Variants in FNIP1 observed in about 807,000 individuals in gnomAD.
The protein encoded by FNIP1 is folliculin-interacting protein 1.
Under a neutral mutation model 124.5 loss-of-function variants are expected in FNIP1, and 40 were observed. The ratio of observed to expected loss-of-function variants is 0.32; its 90% CI spans 0.25 to 0.42. FNIP1 has a LOEUF of 0.42. FNIP1 is among the 10% of genes least tolerant of loss of function. The pLI, the probability that FNIP1 is intolerant of heterozygous loss-of-function variation, is 1.00. For missense variants in FNIP1, 1,176 were observed against 1,403.7 expected (o/e 0.84, Z 2.59); for synonymous variants, 472 against 470.6 (o/e 1.00, Z -0.04).
At chr5:131,722,797 T>A (rs1769717492) in intron 3 of FNIP1, among the ~76,000 whole-genome samples, 1 of 152,204 alleles carries the variant, frequency 6.6e-6, no homozygotes, top group Non-Finnish European at 1.5e-5. Flanking sequence ...GCAATTCTCC[T>A]GCCTCAGCAT....
At chr5:131,738,207 A>G (rs921464484) in intron 2 of FNIP1, among the ~76,000 whole-genome samples, 2 of 152,058 alleles carry the variant, frequency 1.3e-5, no homozygotes, top group African/African-American at 4.8e-5. Context: ...TGGATAAGGG[A>G]GAGGATCTTA....
intron 11 of FNIP1, among the ~76,000 whole-genome samples, chr5:131,698,359 A>G (rs1768778242): frequency 6.6e-6 from 1 of 152,194 alleles, no homozygotes; most frequent in Non-Finnish European, 1.5e-5. Flanking sequence ...CTAATTCCCA[A>G]CATAACATCA....
At chr5:131,763,869 T>C (rs1771326972) in intron 1 of FNIP1, among the ~76,000 whole-genome samples, 1 of 152,202 alleles carries the variant, frequency 6.6e-6, no homozygotes, top group East Asian at 1.9e-4. Context: ...TAACCATTTC[T>C]AGTAAGATAC....
chr5:131,764,015 T>G (rs1446775941), intron 1 of FNIP1, among the ~76,000 whole-genome samples: 1 of 152,086 alleles, frequency 6.6e-6, no homozygotes, highest in East Asian at 1.9e-4. Flanking sequence ...GCACCATCCC[T>G]TTGATGCTGT....
At position 131,672,142 on chromosome 5, in the gene FNIP1, G is replaced by C; in HGVS notation, c.2302C>G (p.Arg768Gly). The change falls in exon 14 of 18, where the codon CGA becomes GGA. Residue 768 changes from arginine to glycine, a missense_variant. By Grantham distance (125) the Arg-to-Gly change is moderately radical. This residue lies in a region of FNIP1 where 1,109 missense variants were observed against 1,288.5 expected (regional missense o/e 0.86). Transcript: ENST00000510461. ...SMSPDSDTELRSQAVVDQITR... is the reference protein window; with the variant it reads ...SMSPDSDTELGSQAVVDQITR... ...ATCTGATCCACCACTGCCTGACTTC[G>C]AAGCTCAGTATCTGAATCAGGTGAC... 1 of 1,614,140 alleles carries C rather than the reference G, an allele frequency of 6.2e-7. No individual in the cohort carries two copies. The highest frequency in any genetic ancestry group is 8.5e-7 in the Non-Finnish European group (1 of 1,180,028).
intron 2 of FNIP1, among the ~76,000 whole-genome samples, chr5:131,741,211 C>T (rs924844005): frequency 2.2e-4 from 33 of 152,092 alleles, no homozygotes; most frequent in East Asian, 1.9e-4. Flanking sequence ...GACCCCTTTC[C>T]GGTAACACTT....
At chr5:131,731,102 A>C in intron 2 of FNIP1, 64 bp from the exon 3 acceptor site, 1 of 1,485,186 alleles carries the variant, frequency 6.7e-7, no homozygotes, top group Non-Finnish European at 9.1e-7. Flanking sequence ...AATTTCATCA[A>C]AGTATAAAAA....
intron 1 of FNIP1, 45 bp from the exon 2 acceptor site, chr5:131,744,735 T>C (rs757180672): frequency 5.7e-5 from 86 of 1,503,102 alleles, no homozygotes; most frequent in Admixed American, 2.0e-5. Flanking sequence ...TAGAGTTACA[T>C]TAATAAATAT....
At position 131,670,448 on chromosome 5, in the gene FNIP1, G is replaced by A; in HGVS notation, c.3108+15C>T. 6.5e-7 allele frequency: 1 copy of A among 1,545,830 alleles called. No homozygotes were observed. Among genetic ancestry groups the A allele is most frequent in the Non-Finnish European group, 8.7e-7 (1 of 1,148,694 alleles). On this transcript the variant is annotated intron_variant, in intron 15 of 17. Transcript: ENST00000510461. ...TTTCTTCTAAATAAACTCAAAAACA[G>A]TGAAGGTCACTCACCTGCACAGCAT...
chr5:131,753,536 A>G (rs1770950299), intron 1 of FNIP1, among the ~76,000 whole-genome samples: 1 of 152,176 alleles, frequency 6.6e-6, no homozygotes, highest in African/African-American at 2.4e-5. Flanking sequence ...TGTGTAGAAG[A>G]GGTAAAACTA....
intron 9 of FNIP1, among the ~76,000 whole-genome samples, chr5:131,705,032 A>G (rs987738183): frequency 4.6e-5 from 7 of 152,204 alleles, no homozygotes; most frequent in Admixed American, 1.3e-4. Flanking sequence ...TACAAATCAT[A>G]TATCTGATAA....
chr5:131,698,470 T>C (rs558308382), intron 11 of FNIP1, among the ~76,000 whole-genome samples: 3 of 152,322 alleles, frequency 2.0e-5, no homozygotes, highest in Admixed American at 6.5e-5. Context: ...GGAAGGACTA[T>C]TCACTGTGCC....
intron 11 of FNIP1, among the ~76,000 whole-genome samples, chr5:131,691,813 G>C (rs1216504165): frequency 6.6e-6 from 1 of 152,148 alleles, no homozygotes; most frequent in Non-Finnish European, 1.5e-5. Flanking sequence ...TTAAAAAATT[G>C]AATCAATAAT....
At chr5:131,693,331 T>TAC (rs1266842457) in intron 11 of FNIP1, among the ~76,000 whole-genome samples, 58 of 61,102 alleles carry the variant, frequency 9.5e-4, no homozygotes, top group African/African-American at 3.7e-3. Flanking sequence ...TATATATATA[T>TAC]ACATATATAT....
rs547500419 is a variant in FNIP1 at position 131,796,868 on chromosome 5, C to T, written c.54G>A (p.Ala18=). 6 of 1,607,156 alleles carry T rather than the reference C, an allele frequency of 3.7e-6. No individual in the cohort carries two copies. In the East Asian group the frequency reaches 9.0e-5, roughly 24 times the overall value. ...KLFSKRTGLG[A]PGRDARDPDC... is the part of the protein sequence containing the mutation. ...CTGGGTCCCGGGCGTCGCGGCCGGG[C>T]GCGCCCAGCCCGGTCCTCTTGCTGA... Residue 18 remains alanine, a synonymous_variant, in exon 1 of 18, where the codon GCG becomes GCA. Transcript: ENST00000510461.
intron 1 of FNIP1, among the ~76,000 whole-genome samples, chr5:131,750,951 A>T (rs1180750249): frequency 6.6e-6 from 1 of 152,196 alleles, no homozygotes; most frequent in African/African-American, 2.4e-5. Context: ...GAGAAAATGA[A>T]AAGTTGGGCT....
At chr5:131,653,595 A>G (rs1767107220) in intron 15 of FNIP1, among the ~76,000 whole-genome samples, 1 of 152,176 alleles carries the variant, frequency 6.6e-6, no homozygotes, top group East Asian at 1.9e-4. Flanking sequence ...TCAGATCTAC[A>G]TCTAAATGAA....
At chr5:131,737,907 G>A (rs1264421241) in intron 2 of FNIP1, among the ~76,000 whole-genome samples, 3 of 152,054 alleles carry the variant, frequency 2.0e-5, no homozygotes, top group Non-Finnish European at 2.9e-5. Flanking sequence ...CAACCTTTTT[G>A]GCACCAGGCA....
intron 5 of FNIP1, among the ~76,000 whole-genome samples, chr5:131,718,239 G>A (rs1769536935): frequency 6.6e-6 from 1 of 151,862 alleles, no homozygotes; most frequent in Non-Finnish European, 1.5e-5. Flanking sequence ...AGAGTTACAG[G>A]TATTAGAAAC....
Sources: allele counts gnomAD v4.1 joint callset (sites outside exome capture counted in the v4.1 genomes callset), GRCh38; gene constraint gnomAD v4.1.1; regional missense constraint gnomAD v4.1.1; transcripts MANE v1.5; gene names NCBI Gene and HGNC (gene_info 2026-07-23, HGNC 2026-07-21).